The following DNAH10 variants were observed in gnomAD, a reference collection of about 807,000 sequenced individuals.
DNAH10 encodes dynein axonemal heavy chain 10.
A neutral mutation model predicts 506.6 loss-of-function variants in DNAH10; 348 were observed. The ratio of observed to expected loss-of-function variants is 0.69; its 90% CI spans 0.63 to 0.75. DNAH10 has a LOEUF of 0.75. DNAH10 is among the 30% of genes least tolerant of loss of function. DNAH10 has a pLI of 0.00. For synonymous variants in DNAH10, 2,059 were observed against 2,198.6 expected (o/e 0.94, Z 1.78); for missense variants, 5,179 against 5,787.1 (o/e 0.89, Z 3.41).
chr12:123,781,443 C>T, intron 6 of DNAH10, 144 bp downstream of exon 6: 3 of 780,246 alleles, frequency 3.8e-6, no homozygotes, highest in Admixed American at 2.9e-5. Flanking sequence ...CTTTGTCGCT[C>T]AGGCTGGCAA....
At position 123,902,812 on chromosome 12, in the gene DNAH10, C is replaced by A; in HGVS notation, c.9641-127C>A. 1 of 1,244,268 alleles carries A rather than the reference C, an allele frequency of 8.0e-7. No individual in the cohort carries two copies. Among genetic ancestry groups the A allele is most frequent in the Non-Finnish European group, 1.1e-6 (1 of 919,762 alleles). The allele number at this position is 1,244,268 out of a possible 1,614,324, so 77.1% of individuals were successfully genotyped here. A position where few individuals can be genotyped will look rare whatever the true frequency, so the allele number is the denominator to read the frequency against. The stretch of plus-strand genomic sequence containing the variant: ...AGGATCACTGAGGCTGCCACATTGG[C>A]CAGAGCCCCTTAGATCCCCGCTAGG... On this transcript the variant is annotated intron_variant, in intron 56 of 78. Transcript: ENST00000673944. The surrounding 1 kb of genome is among the most constrained non-coding windows in gnomAD (Gnocchi z 4.5).
intron 19 of DNAH10, among the ~76,000 whole-genome samples, chr12:123,812,606 T>A (rs934543507): frequency 2.6e-5 from 4 of 152,226 alleles, no homozygotes; most frequent in African/African-American, 4.8e-5. Flanking sequence ...AAAGTTTTTT[T>A]AATTCATCCA....
intron 51 of DNAH10, among the ~76,000 whole-genome samples, chr12:123,886,480 C>CAT (rs1952735406): frequency 6.6e-6 from 1 of 151,628 alleles, no homozygotes; most frequent in East Asian, 1.9e-4. Flanking sequence ...CGCGCGCGCG[C>CAT]GTGTGTGTGC....
intron 34 of DNAH10, among the ~76,000 whole-genome samples, chr12:123,849,314 T>C (rs1169610785): frequency 6.6e-6 from 1 of 152,218 alleles, no homozygotes; most frequent in African/African-American, 2.4e-5. Flanking sequence ...CAAGCAGGAT[T>C]TGCAAGGTTA....
At chr12:123,812,414 G>A (rs1325964028) in intron 19 of DNAH10, among the ~76,000 whole-genome samples, 1 of 152,084 alleles carries the variant, frequency 6.6e-6, no homozygotes, top group East Asian at 1.9e-4. Flanking sequence ...TTGCGCCACT[G>A]CACTCCAGCC....
chr12:123,773,194 C>G (rs577015532), intron 4 of DNAH10, among the ~76,000 whole-genome samples: 2 of 152,350 alleles, frequency 1.3e-5, no homozygotes, highest in African/African-American at 4.8e-5. Context: ...GGTGTGAAGA[C>G]TGAAACTTGT....
At chr12:123,879,610 C>T in intron 49 of DNAH10, 24 bp from the exon 50 acceptor site, 2 of 1,613,260 alleles carry the variant, frequency 1.2e-6, no homozygotes, top group Non-Finnish European at 1.7e-6. Flanking sequence ...GAGTTTGGGT[C>T]CTTAAGTGGG....
intron 47 of DNAH10, among the ~76,000 whole-genome samples, chr12:123,877,120 C>T (rs1038470160): frequency 6.6e-6 from 1 of 152,228 alleles, no homozygotes; most frequent in African/African-American, 2.4e-5. Context: ...TTAGCACTTA[C>T]TCCCATCCCA....
intron 65 of DNAH10, among the ~76,000 whole-genome samples, chr12:123,921,905 G>A (rs1028665528): frequency 6.6e-6 from 1 of 151,200 alleles, no homozygotes; most frequent in Non-Finnish European, 1.5e-5. Context: ...AGTAGAGACA[G>A]GGTTTTGCCA....
intron 11 of DNAH10, among the ~76,000 whole-genome samples, chr12:123,793,478 A>G (rs958958563): frequency 6.6e-6 from 1 of 151,928 alleles, no homozygotes; most frequent in African/African-American, 2.4e-5. Context: ...ACCTGGGACT[A>G]CAGGCGCCCA....
rs532593593 is a variant in DNAH10, at chr12:123,829,936, G to C, written c.4392-610G>C. Among the ~76,000 whole-genome samples, 6 of 152,286 alleles carry C rather than the reference G, an allele frequency of 3.9e-5. No homozygotes were observed. The South Asian group carries it at 1.0e-3, about 26-fold the overall frequency. On this transcript the variant is annotated intron_variant, in intron 25 of 78. Transcript: ENST00000673944. ...GCCCCCGTTGTGTCTGTGTGCACAG[G>C]AGTCTGCCCCGACTGTCCCGTCTGA...
At chr12:123,830,084 G>T (rs1419716974) in intron 25 of DNAH10, among the ~76,000 whole-genome samples, 1 of 152,192 alleles carries the variant, frequency 6.6e-6, no homozygotes, top group Non-Finnish European at 1.5e-5. Context: ...GTAAGTGGCA[G>T]GTTCTCTGAA....
rs777370881 is a variant in DNAH10, at chr12:123,833,267, G to A, written c.4699G>A (p.Gly1567Arg). Residue 1567 changes from glycine (G) to arginine (R), a missense_variant, in exon 27 of 79, where the codon GGA (glycine) becomes AGA (arginine). By Grantham distance (125) the Gly-to-Arg change is moderately radical. Coordinates refer to ENST00000673944, the MANE Select transcript of DNAH10 (RefSeq NM_001372106.1). ...DNTFNLQSIS[G>R]SRFVGPFLQT... ...CACTTTCAACCTGCAGAGCATCTCA[G>A]GAAGCAGATTTGTGGGGCCTTTTCT... The A allele has an allele frequency of 1.2e-6, 2 of 1,613,736 alleles. No individual in the cohort carries two copies. Among genetic ancestry groups the A allele is most frequent in the Non-Finnish European group, 1.7e-6 (2 of 1,179,860 alleles).
At chr12:123,914,695 C>G in intron 61 of DNAH10, 145 bp downstream of exon 61, 1 of 1,390,970 alleles carries the variant, frequency 7.2e-7, no homozygotes, top group South Asian at 1.4e-5. Flanking sequence ...GCCGGGCAAG[C>G]TGCAAACCCA....
chr12:123,883,514 A>G (rs906577523), intron 51 of DNAH10, among the ~76,000 whole-genome samples: 4 of 152,182 alleles, frequency 2.6e-5, no homozygotes, highest in Admixed American at 6.5e-5. Context: ...GTTCTCTGGT[A>G]TCTGACTTCT....
At chr12:123,780,149 T>TTCTCTC (rs59003958) in intron 5 of DNAH10, among the ~76,000 whole-genome samples, 54 of 133,344 alleles carry the variant, frequency 4.0e-4, no homozygotes, top group African/African-American at 1.5e-3. Context: ...CCTCCCTCCT[T>TTCTCTC]TCTCTCTCTC....
chr12:123,907,562 T>TGGTA lies in DNAH10; in HGVS notation c.9816-1697_9816-1694dup, dbSNP rs1953841765. Among the ~76,000 whole-genome samples, 1 of 152,176 alleles carries TGGTA rather than the reference T, an allele frequency of 6.6e-6. No homozygotes were observed. Among genetic ancestry groups the TGGTA allele is most frequent in the Admixed American group, 6.5e-5 (1 of 15,284 alleles). Reference sequence around the variant, plus strand: ...AACCCAACAGCAGAAAACGTCACTTTGGTAGACTCAGAGGATTTGGGAACT... The same window carrying TGGTA: ...AACCCAACAGCAGAAAACGTCACTTTGGTAGGTAGACTCAGAGGATTTGGGAACT... On this transcript the variant is annotated intron_variant, in intron 57 of 78. Transcript: ENST00000673944. This position sits in a 1 kb window ranked among gnomAD's most constrained non-coding sequence, Gnocchi z 4.4.
chr12:123,934,587 CCA>C (rs761066508), intron 77 of DNAH10, 32 bp from the exon 78 acceptor site: 12 of 1,610,720 alleles, frequency 7.5e-6, no homozygotes, highest in South Asian at 1.1e-5. Context: ...TGTGCATGCT[CCA>C]GTTGTATCCA....
At chr12:123,929,167 A>AAGAGACTTTAGCTACG in intron 70 of DNAH10, 108 bp from the exon 71 acceptor site, 3 of 1,166,648 alleles carry the variant, frequency 2.6e-6, no homozygotes, top group Non-Finnish European at 3.7e-6. Flanking sequence ...GGTCTCAGAC[A>AAGAGACTTTAGCTACG]GATGGCTCCG....
Sources: allele counts gnomAD v4.1 joint callset (sites outside exome capture counted in the v4.1 genomes callset), GRCh38; gene constraint gnomAD v4.1.1; non-coding constraint Gnocchi (gnomAD v3.1); transcripts MANE v1.5; gene names NCBI Gene and HGNC (gene_info 2026-07-23, HGNC 2026-07-21).